Variants in XYLT1 observed in about 807,000 individuals in gnomAD.
XYLT1 encodes beta-D-xylosyltransferase 1.
XYLT1 carries 36 observed loss-of-function variants against 91.3 expected under a neutral mutation model. The ratio of observed to expected loss-of-function variants is 0.39; its 90% CI spans 0.30 to 0.52. The LOEUF is 0.52. Ranked by LOEUF, XYLT1 falls within the 20% of genes least tolerant of loss-of-function variation. XYLT1 has a pLI of 0.68. For missense variants in XYLT1, 1,242 were observed against 1,284.5 expected (o/e 0.97, Z 0.51); for synonymous variants, 588 against 532.0 (o/e 1.11, Z -1.45).
chr16:17,127,965 G>GC lies in XYLT1; in HGVS notation c.2028-105dup, dbSNP rs1306673076. ...TTGTTCCTAAAGCAGTCCCCATTGT[G>GC]CACAATGCCTACTGTTTTCCTTGCG... On this transcript the variant is annotated intron_variant, in intron 9 of 11. Transcript: ENST00000261381. 3.9e-6 allele frequency: 4 copies of GC among 1,022,866 alleles called. No individual in the cohort carries two copies. The African/African-American group carries it at 6.4e-5, about 16-fold the overall frequency. The allele number at this position is 1,022,866 out of a possible 1,614,324, so 63.4% of individuals were successfully genotyped here.
At chr16:17,364,570 C>T (rs187183344) in intron 1 of XYLT1, among the ~76,000 whole-genome samples, 186 of 152,334 alleles carry the variant, frequency 1.2e-3, no homozygotes, top group African/African-American at 4.3e-3. Flanking sequence ...CTGCAAGTTA[C>T]CGTAGATACG....
chr16:17,367,862 A>C (rs2035475145), intron 1 of XYLT1, among the ~76,000 whole-genome samples: 1 of 152,206 alleles, frequency 6.6e-6, no homozygotes, highest in Non-Finnish European at 1.5e-5. Flanking sequence ...CCAGGAGGAA[A>C]GGCCTATTTC....
At chr16:17,260,639 C>A (rs2033708735) in intron 2 of XYLT1, among the ~76,000 whole-genome samples, 1 of 152,122 alleles carries the variant, frequency 6.6e-6, no homozygotes, top group Non-Finnish European at 1.5e-5. Flanking sequence ...GGCTCCCACC[C>A]CAGCAGGTCA....
At position 17,106,804 on chromosome 16, in the gene XYLT1, C is replaced by G. The variant is rs1467769238; in HGVS notation, c.*1891G>C. On this transcript the variant is annotated 3_prime_UTR_variant, in exon 12 of 12. Transcript: ENST00000261381. ...AATCCGAGGGAGAGTGAGGCTGACA[C>G]TCTGCATAAGGAAAAAAACAAGGCT... is the stretch of plus-strand genomic sequence containing the variant. The G allele has an allele frequency of 6.6e-6, 1 of 151,990 alleles. No homozygotes were observed. The allele number at this position is 151,990 out of a possible 1,614,324, so 9.4% of individuals were successfully genotyped here.
chr16:17,315,370 T>G (rs565994959), intron 2 of XYLT1, among the ~76,000 whole-genome samples: 7 of 152,244 alleles, frequency 4.6e-5, no homozygotes, highest in African/African-American at 1.7e-4. Flanking sequence ...CCCAGCCTCA[T>G]CCTTTGCATC....
chr16:17,313,428 G>A (rs1055741169), intron 2 of XYLT1, among the ~76,000 whole-genome samples: 4 of 152,194 alleles, frequency 2.6e-5, no homozygotes, highest in Admixed American at 1.3e-4. Context: ...ACCAGACAAG[G>A]CCCCCCTTTC....
chr16:17,439,114 T>C (rs888522990), intron 1 of XYLT1, among the ~76,000 whole-genome samples: 2 of 152,216 alleles, frequency 1.3e-5, no homozygotes, highest in African/African-American at 2.4e-5. Flanking sequence ...TATCAAATCA[T>C]TGTCATCATC....
At chr16:17,387,755 G>T (rs976515193) in intron 1 of XYLT1, among the ~76,000 whole-genome samples, 1 of 152,108 alleles carries the variant, frequency 6.6e-6, no homozygotes, top group Admixed American at 6.5e-5. Context: ...AGCAGCTCCA[G>T]TCTTGCCCGG....
intron 1 of XYLT1, among the ~76,000 whole-genome samples, chr16:17,434,517 A>C (rs2036429648): frequency 6.6e-6 from 1 of 152,212 alleles, no homozygotes; most frequent in African/African-American, 2.4e-5. Context: ...CAGGCTTAGC[A>C]ACCCTGAATA....
At chr16:17,406,086 G>A (rs1019429187) in intron 1 of XYLT1, among the ~76,000 whole-genome samples, 1 of 152,176 alleles carries the variant, frequency 6.6e-6, no homozygotes. Flanking sequence ...TTGGAAGGCT[G>A]AGGCAGGAGA....
rs531285239 is a variant in XYLT1 at position 17,264,665 on chromosome 16, G to C, written c.403-5167C>G. 3.9e-5 allele frequency among the ~76,000 whole-genome samples: 6 copies of C among 152,222 alleles called. No individual in the cohort carries two copies. The South Asian group carries it at 1.2e-3, about 32-fold the overall frequency. On this transcript the variant is annotated intron_variant, in intron 2 of 11. Coordinates refer to ENST00000261381, the MANE Select transcript of XYLT1 (RefSeq NM_022166.4). ...GACCCATAAAAAATAACCATCATAT[G>C]CCCAGCACCCAAGTGGCCCATGCTC...
intron 5 of XYLT1, among the ~76,000 whole-genome samples, chr16:17,192,607 G>T (rs7206558): frequency 6.6e-6 from 1 of 151,876 alleles, no homozygotes; most frequent in Admixed American, 6.6e-5. Context: ...TTTCATCCAC[G>T]TGCTGGGTAC....
At chr16:17,431,736 T>C (rs1314272792) in intron 1 of XYLT1, among the ~76,000 whole-genome samples, 1 of 152,232 alleles carries the variant, frequency 6.6e-6, no homozygotes, top group Non-Finnish European at 1.5e-5. Flanking sequence ...AGGCAGGCCA[T>C]GGATGGTAAA....
intron 2 of XYLT1, among the ~76,000 whole-genome samples, chr16:17,290,632 A>G (rs745490207): frequency 2.0e-5 from 3 of 152,252 alleles, no homozygotes; most frequent in African/African-American, 4.8e-5. Context: ...TCTGCAAATG[A>G]CATGGGCTTT....
intron 6 of XYLT1, among the ~76,000 whole-genome samples, chr16:17,148,198 G>C (rs2031187351): frequency 6.6e-6 from 1 of 152,286 alleles, no homozygotes; most frequent in Admixed American, 6.5e-5. Context: ...GCTTCTCACA[G>C]GGCCTTGCAA....
intron 2 of XYLT1, among the ~76,000 whole-genome samples, chr16:17,347,978 G>A (rs1177603681): frequency 1.3e-5 from 2 of 151,994 alleles, no homozygotes; most frequent in Non-Finnish European, 2.9e-5. Context: ...CTTGCTAGGG[G>A]TACAGACACA....
At chr16:17,372,051 T>C (rs73525138) in intron 1 of XYLT1, among the ~76,000 whole-genome samples, 11,423 of 152,184 alleles carry the variant, frequency 0.075, 1,401 homozygotes, top group African/African-American at 0.26. Context: ...CAAATGGCTG[T>C]GGGGGAGGGG....
chr16:17,239,764 C>T (rs926692204), intron 3 of XYLT1, among the ~76,000 whole-genome samples: 1 of 152,074 alleles, frequency 6.6e-6, no homozygotes, highest in African/African-American at 2.4e-5. Flanking sequence ...GCCTGTCCAT[C>T]CATCCATCCA....
chr16:17,221,880 G>T (rs897391658), intron 3 of XYLT1, among the ~76,000 whole-genome samples: 1 of 152,184 alleles, frequency 6.6e-6, no homozygotes, highest in African/African-American at 2.4e-5. Flanking sequence ...AAATCGCAGT[G>T]GCTTGAACCC....
Sources: gnomAD v4.1 joint callset for allele counts (sites outside exome capture counted in the v4.1 genomes callset) on GRCh38, gnomAD v4.1.1 for gene constraint, MANE v1.5 for transcripts, NCBI Gene and HGNC (gene_info 2026-07-23, HGNC 2026-07-21) for gene names.